ANKHD1: variants seen among roughly 807,000 people sequenced by gnomAD.
ANKHD1 encodes ankyrin repeat and KH domain-containing protein 1.
ANKHD1 carries 31 observed loss-of-function variants against 230.5 expected under a neutral mutation model. The ratio of observed to expected loss-of-function variants is 0.13; its 90% CI spans 0.10 to 0.18. ANKHD1 has a LOEUF of 0.18. Ranked by LOEUF, ANKHD1 falls within the 10% of genes least tolerant of loss-of-function variation. The pLI is 1.00. For missense variants in ANKHD1, 2,256 were observed against 3,071.3 expected (o/e 0.73, Z 6.27); for synonymous variants, 1,074 against 1,117.6 (o/e 0.96, Z 0.78).
chr5:140,432,587 C>T (rs928373105), intron 1 of ANKHD1, among the ~76,000 whole-genome samples: 1 of 152,074 alleles, frequency 6.6e-6, no homozygotes, highest in Admixed American at 6.6e-5. Flanking sequence ...TAGGTATATA[C>T]CTAAGAAGTA....
chr5:140,427,554 C>G (rs1294808471), intron 1 of ANKHD1, among the ~76,000 whole-genome samples: 1 of 141,492 alleles, frequency 7.1e-6, no homozygotes, highest in Non-Finnish European at 1.5e-5. Flanking sequence ...GGGGGCTGAC[C>G]CCCCCACCTC....
At chr5:140,495,976 T>C (rs1208304793) in intron 14 of ANKHD1, among the ~76,000 whole-genome samples, 1 of 152,162 alleles carries the variant, frequency 6.6e-6, no homozygotes, top group Non-Finnish European at 1.5e-5. Flanking sequence ...TATTTCAATA[T>C]AAGAAGAAAA....
intron 10 of ANKHD1, among the ~76,000 whole-genome samples, chr5:140,468,027 A>T (rs1364887102): frequency 1.6e-5 from 2 of 128,744 alleles, no homozygotes; most frequent in Non-Finnish European, 3.2e-5. Flanking sequence ...ATATGTTCTC[A>T]GTTTAAGGTT....
intron 20 of ANKHD1, among the ~76,000 whole-genome samples, chr5:140,509,115 A>G (rs1031880455): frequency 1.3e-5 from 2 of 152,186 alleles, no homozygotes; most frequent in African/African-American, 4.8e-5. Flanking sequence ...CCACACAAAG[A>G]GAAATGAGTC....
chr5:140,512,959 C>G (rs780649489), intron 23 of ANKHD1, 36 bp downstream of exon 23: 1 of 1,544,616 alleles, frequency 6.5e-7, no homozygotes, highest in African/African-American at 1.4e-5. Context: ...CATTTTTGTT[C>G]TTTGTGGAAT....
intron 1 of ANKHD1, among the ~76,000 whole-genome samples, chr5:140,422,844 A>G (rs1772107706): frequency 6.6e-6 from 1 of 151,438 alleles, no homozygotes; most frequent in African/African-American, 2.4e-5. Flanking sequence ...TTTCAGGAAT[A>G]TTAATATTCC....
At position 140,458,751 on chromosome 5, in the gene ANKHD1, C is replaced by T. The variant is rs1194322805; in HGVS notation, c.1369C>T (p.Leu457Phe). 1 of 1,613,118 alleles carries T rather than the reference C, an allele frequency of 6.2e-7. No homozygotes were observed. Reference protein sequence around the residue: ...CGGHVELAALLIERGANLEEV... With the variant: ...CGGHVELAALFIERGANLEEV... ...AGGACATGTTGAATTGGCAGCTCTACTTATTGAAAGGGGAGCAAATCTTGA... is the reference window on the plus strand; with the variant it reads ...AGGACATGTTGAATTGGCAGCTCTATTTATTGAAAGGGGAGCAAATCTTGA... Residue 457 changes from leucine to phenylalanine, a missense_variant, in exon 8 of 34, where the codon CTT becomes TTT. This residue lies in a region of ANKHD1 where 179 missense variants were observed against 261.8 expected (regional missense o/e 0.68). Coordinates refer to ENST00000360839, the MANE Select transcript of ANKHD1 (RefSeq NM_017747.3).
At chr5:140,533,575 G>A (rs1435509826) in intron 29 of ANKHD1, among the ~76,000 whole-genome samples, 2 of 151,848 alleles carry the variant, frequency 1.3e-5, no homozygotes, top group Admixed American at 1.3e-4. Flanking sequence ...CTCCAGCCTC[G>A]GCAACAGAGC....
chr5:140,538,330 C>T, intron 32 of ANKHD1, 69 bp downstream of exon 32: 1 of 1,558,650 alleles, frequency 6.4e-7, no homozygotes, highest in Non-Finnish European at 8.7e-7. Flanking sequence ...TTAAGGAATA[C>T]CTTGTATTGA....
At chr5:140,439,130 G>A (rs558694582) in intron 3 of ANKHD1, among the ~76,000 whole-genome samples, 2 of 152,028 alleles carry the variant, frequency 1.3e-5, no homozygotes, top group Admixed American at 6.5e-5. Context: ...CGAGTAACTC[G>A]TACACATTAA....
In ANKHD1 at chr5:140,510,129, T is replaced by G. The variant is rs954507873; in HGVS notation, c.4052T>G (p.Val1351Gly). 6.2e-7 allele frequency: 1 copy of G among 1,613,596 alleles called. No homozygotes were observed. The highest frequency in any genetic ancestry group is 1.3e-5 in the African/African-American group (1 of 74,902). The change falls in exon 22 of 34, where the codon GTG (valine) becomes GGG (glycine). Residue 1351 changes from valine to glycine, a missense_variant. Physicochemically the swap from Val to Gly is moderately radical, Grantham distance 109. Coordinates refer to ENST00000360839, the MANE Select transcript of ANKHD1 (RefSeq NM_017747.3). The part of the protein sequence containing the change: ...VQLLVQAGAD[V>G]DAADNRKITP... The stretch of plus-strand genomic sequence containing the variant: ...TTGCTAGTGCAAGCAGGTGCTGATG[T>G]GGATGCAGCAGATAACCGGAAAATC...
At chr5:140,508,757 A>AC (rs1435620823) in intron 20 of ANKHD1, among the ~76,000 whole-genome samples, 2 of 98,828 alleles carry the variant, frequency 2.0e-5, no homozygotes, top group East Asian at 3.5e-4. Context: ...ACTCCATCCC[A>AC]CCCCCCGCCC....
intron 7 of ANKHD1, 45 bp downstream of exon 7, chr5:140,449,350 G>T: frequency 6.3e-7 from 1 of 1,589,758 alleles, no homozygotes; most frequent in South Asian, 1.1e-5. Context: ...GGAAGAAAAG[G>T]TCGTATGTGT....
intron 24 of ANKHD1, among the ~76,000 whole-genome samples, chr5:140,519,267 T>G (rs1362860940): frequency 6.6e-6 from 1 of 152,018 alleles, no homozygotes; most frequent in Non-Finnish European, 1.5e-5. Context: ...CACTGCTCAG[T>G]GAAATAAAAG....
chr5:140,535,069 T>G (rs1229974622), intron 29 of ANKHD1, among the ~76,000 whole-genome samples: 3 of 152,202 alleles, frequency 2.0e-5, no homozygotes, highest in Non-Finnish European at 4.4e-5. Flanking sequence ...AGCTTTGAGA[T>G]TCATCTAGAA....
intron 14 of ANKHD1, among the ~76,000 whole-genome samples, chr5:140,490,169 G>A (rs1194989881): frequency 1.3e-5 from 2 of 152,092 alleles, no homozygotes; most frequent in South Asian, 4.1e-4. Flanking sequence ...TCTGTGTCGT[G>A]TATGTGATTA....
At chr5:140,531,344 G>A (rs1753807394) in intron 29 of ANKHD1, 1 of 411,576 alleles carries the variant, frequency 2.4e-6, no homozygotes, top group South Asian at 1.7e-5. Context: ...ACTTTGGGAA[G>A]CTGAGGCGAG....
chr5:140,444,018 C>T (rs1774075793), intron 5 of ANKHD1, among the ~76,000 whole-genome samples: 1 of 150,252 alleles, frequency 6.7e-6, no homozygotes, highest in Non-Finnish European at 1.5e-5. Flanking sequence ...GTTCTCAGTA[C>T]CTTTATTTTT....
At chr5:140,429,370 G>A (rs1404451526) in intron 1 of ANKHD1, among the ~76,000 whole-genome samples, 2 of 152,154 alleles carry the variant, frequency 1.3e-5, no homozygotes, top group Non-Finnish European at 2.9e-5. Flanking sequence ...GGGATTACAG[G>A]TGTGAGCCAC....
Sources: allele counts gnomAD v4.1 joint callset (sites outside exome capture counted in the v4.1 genomes callset), GRCh38; gene constraint gnomAD v4.1.1; regional missense constraint gnomAD v4.1.1; transcripts MANE v1.5; gene names NCBI Gene and HGNC (gene_info 2026-07-23, HGNC 2026-07-21).